ATP8A2: variants seen among roughly 807,000 people sequenced by gnomAD.
ATP8A2 encodes the protein ATPase phospholipid transporting 8A2.
In ATP8A2, 100 loss-of-function variants were observed where a neutral mutation model predicts 165.6. The ratio of observed to expected loss-of-function variants is 0.60; its 90% CI spans 0.51 to 0.71. The LOEUF (loss-of-function observed/expected upper bound fraction) is 0.71. Ranked by LOEUF, ATP8A2 falls within the 30% of genes least tolerant of loss-of-function variation. The pLI is 0.00. For synonymous variants in ATP8A2, 543 were observed against 548.8 expected, an observed-to-expected ratio of 0.99 and a Z score of 0.15; for missense variants, 1,227 against 1,479.5, an observed-to-expected ratio of 0.83 and a Z score of 2.80.
At chr13:25,405,417 C>T (rs1324639695) in intron 1 of ATP8A2, among the ~76,000 whole-genome samples, 1 of 152,134 alleles carries the variant, frequency 6.6e-6, no homozygotes, top group African/African-American at 2.4e-5. Context: ...CATTAAAGCC[C>T]ATCTCCCTTC....
chr13:25,534,091 C>A (rs2038202393), intron 6 of ATP8A2: 2 of 479,686 alleles, frequency 4.2e-6, no homozygotes, highest in Non-Finnish European at 8.5e-6. Flanking sequence ...TTTTTAAATG[C>A]CTCTTACAGT....
chr13:25,766,097 A>G (rs1345326925), intron 25 of ATP8A2, among the ~76,000 whole-genome samples: 5 of 152,166 alleles, frequency 3.3e-5, no homozygotes, highest in Non-Finnish European at 7.3e-5. Context: ...CTCTTGTGAT[A>G]CTTTCATGGA....
chr13:25,980,044 A>G (rs934623790), intron 35 of ATP8A2, among the ~76,000 whole-genome samples: 3 of 152,240 alleles, frequency 2.0e-5, no homozygotes, highest in African/African-American at 4.8e-5. Flanking sequence ...TTTTATGCCA[A>G]TGAAGAACGG....
intron 35 of ATP8A2, among the ~76,000 whole-genome samples, chr13:25,979,938 C>G (rs1956143096): frequency 6.6e-6 from 1 of 152,112 alleles, no homozygotes; most frequent in South Asian, 2.1e-4. Context: ...TCAGAGTAAT[C>G]AGAGAAAAGC....
chr13:25,897,709 T>C (rs1953602694), intron 33 of ATP8A2, among the ~76,000 whole-genome samples: 1 of 152,328 alleles, frequency 6.6e-6, no homozygotes, highest in Non-Finnish European at 1.5e-5. Flanking sequence ...CATAGTCCCA[T>C]ATTTCTTGGA....
At chr13:25,969,595 A>G (rs7994374) in intron 35 of ATP8A2, among the ~76,000 whole-genome samples, 25,225 of 152,240 alleles carry the variant, frequency 0.17, 2,481 homozygotes, top group African/African-American at 0.27. Flanking sequence ...TGAAGACAAA[A>G]TAATTTTTTT....
At chr13:25,375,861 G>C (rs1214211165) in intron 1 of ATP8A2, among the ~76,000 whole-genome samples, 1 of 152,074 alleles carries the variant, frequency 6.6e-6, no homozygotes, top group Non-Finnish European at 1.5e-5. Context: ...GTGAGCCACC[G>C]TTTGGACCAG....
intron 16 of ATP8A2, among the ~76,000 whole-genome samples, chr13:25,568,949 A>G (rs556588239): frequency 1.6e-4 from 25 of 152,334 alleles, no homozygotes; most frequent in African/African-American, 6.0e-4. Flanking sequence ...ATTTAAAAAA[A>G]ATCTTCATGG....
chr13:25,611,764 T>C (rs1204511858), intron 24 of ATP8A2, among the ~76,000 whole-genome samples: 1 of 152,176 alleles, frequency 6.6e-6, no homozygotes, highest in Non-Finnish European at 1.5e-5. Flanking sequence ...TATCTGGTCC[T>C]GGGCTTATTT....
intron 25 of ATP8A2, among the ~76,000 whole-genome samples, chr13:25,748,303 G>A (rs905727819): frequency 5.3e-5 from 8 of 152,192 alleles, no homozygotes; most frequent in Non-Finnish European, 8.8e-5. Flanking sequence ...TTCTGCCAAA[G>A]TATTTTGAAT....
chr13:25,804,911 TA>T (rs1187693533), intron 27 of ATP8A2, among the ~76,000 whole-genome samples: 1 of 152,204 alleles, frequency 6.6e-6, no homozygotes, highest in African/African-American at 2.4e-5. Context: ...GTTAAATGGT[TA>T]AACACTGCCA....
chr13:25,623,886 G>GATA (rs2041037312), intron 24 of ATP8A2, among the ~76,000 whole-genome samples: 1 of 150,658 alleles, frequency 6.6e-6, no homozygotes, highest in African/African-American at 2.5e-5. Flanking sequence ...ACCTATATAT[G>GATA]CATATATCTA....
intron 30 of ATP8A2, among the ~76,000 whole-genome samples, chr13:25,850,401 C>T (rs1330759288): frequency 1.4e-5 from 2 of 145,278 alleles, no homozygotes; most frequent in African/African-American, 5.1e-5. Flanking sequence ...CTCATCAGCT[C>T]ACCTTTCCAC....
intron 35 of ATP8A2, among the ~76,000 whole-genome samples, chr13:25,969,890 G>C (rs1177794534): frequency 6.6e-6 from 1 of 152,114 alleles, no homozygotes; most frequent in Non-Finnish European, 1.5e-5. Context: ...ACCACTACGC[G>C]TGGTTGAGGC....
At chr13:25,618,458 G>A (rs917828466) in intron 24 of ATP8A2, among the ~76,000 whole-genome samples, 1 of 152,098 alleles carries the variant, frequency 6.6e-6, no homozygotes, top group African/African-American at 2.4e-5. Flanking sequence ...GGTGTGGAGC[G>A]GCTGGGAGGC....
At chr13:25,738,423 T>C (rs1272191868) in intron 25 of ATP8A2, among the ~76,000 whole-genome samples, 1 of 149,138 alleles carries the variant, frequency 6.7e-6, no homozygotes, top group South Asian at 2.2e-4. Flanking sequence ...ATTTGTTACA[T>C]CCTGTCTTCT....
At chr13:25,411,824 T>C (rs760072018) in intron 1 of ATP8A2, among the ~76,000 whole-genome samples, 1 of 152,238 alleles carries the variant, frequency 6.6e-6, no homozygotes, top group Non-Finnish European at 1.5e-5. Flanking sequence ...TCATTTCTGA[T>C]ATCTACATTT....
chr13:25,491,933 A>T (rs2036539441), intron 2 of ATP8A2, among the ~76,000 whole-genome samples: 3 of 152,386 alleles, frequency 2.0e-5, no homozygotes, highest in South Asian at 4.1e-4. Flanking sequence ...CTGTAACCAA[A>T]GGATCAAAAT....
At chr13:25,763,401 C>T (rs2044424573) in intron 25 of ATP8A2, among the ~76,000 whole-genome samples, 1 of 152,196 alleles carries the variant, frequency 6.6e-6, no homozygotes, top group Non-Finnish European at 1.5e-5. Flanking sequence ...TCAGTTACAG[C>T]TCCTCGCCAT....
Sources: gnomAD v4.1 joint callset for allele counts (sites outside exome capture counted in the v4.1 genomes callset) on GRCh38, gnomAD v4.1.1 for gene constraint, MANE v1.5 for transcripts, NCBI Gene and HGNC (gene_info 2026-07-23, HGNC 2026-07-21) for gene names.